SGMS2: variants seen among roughly 807,000 people sequenced by gnomAD.
SGMS2 encodes phosphatidylcholine:ceramide cholinephosphotransferase 2.
SGMS2 carries 21 observed loss-of-function variants against 43.8 expected under a neutral mutation model. The observed-to-expected ratio is 0.48, with a 90% confidence interval of 0.34 to 0.69. SGMS2 has a LOEUF of 0.69. Among genes scored for constraint, SGMS2 ranks in the 30% least tolerant of loss-of-function variants. SGMS2 has a pLI of 0.01. For missense variants in SGMS2, 384 were observed against 443.2 expected (o/e 0.87, Z 1.20); for synonymous variants, 167 against 160.6 (o/e 1.04, Z -0.30).
intron 1 of SGMS2, among the ~76,000 whole-genome samples, chr4:107,834,168 T>C (rs1726045799): frequency 6.6e-6 from 1 of 152,268 alleles, no homozygotes; most frequent in Non-Finnish European, 1.5e-5. Flanking sequence ...TTGTTCCTTA[T>C]GCCAGTCCTA....
rs956994724 is a variant in SGMS2 at position 107,910,749 on chromosome 4, C to T, written c.*196C>T. On this transcript the variant is annotated 3_prime_UTR_variant, in exon 7 of 7. Transcript: ENST00000690982. ...CTTCATCCTGAGAAAGATACATTCT[C>T]TTGCAGCTCTTCATTCATTGGTGAC... The T allele has an allele frequency of 5.4e-6, 3 of 557,984 alleles. No homozygotes were observed. Among genetic ancestry groups the T allele is most frequent in the Non-Finnish European group, 9.4e-6 (3 of 320,090 alleles). The allele number at this position is 557,984 out of a possible 1,614,324, so 34.6% of individuals were successfully genotyped here. A position where few individuals can be genotyped will look rare whatever the true frequency, so the allele number is the denominator to read the frequency against.
chr4:107,851,003 C>A (rs1317372614), intron 1 of SGMS2, among the ~76,000 whole-genome samples: 1 of 152,170 alleles, frequency 6.6e-6, no homozygotes, highest in Admixed American at 6.5e-5. Flanking sequence ...CACCAAATAA[C>A]TCCTTAGCAT....
intron 1 of SGMS2, among the ~76,000 whole-genome samples, chr4:107,838,885 T>A (rs189689750): frequency 1.6e-4 from 25 of 152,290 alleles, no homozygotes; most frequent in African/African-American, 6.0e-4. Context: ...GCTAACCTCT[T>A]CCTGCACCAT....
chr4:107,898,332 TA>T (rs1440675190), intron 3 of SGMS2, among the ~76,000 whole-genome samples: 1 of 152,082 alleles, frequency 6.6e-6, no homozygotes, highest in Non-Finnish European at 1.5e-5. Flanking sequence ...AGCTGAAATA[TA>T]TATTTATACA....
At chr4:107,850,465 G>T (rs1445045186) in intron 1 of SGMS2, among the ~76,000 whole-genome samples, 1 of 152,132 alleles carries the variant, frequency 6.6e-6, no homozygotes, top group African/African-American at 2.4e-5. Context: ...CCTATAGCAA[G>T]CTTTAGACTC....
At position 107,881,149 on chromosome 4, in the gene SGMS2, TAA is replaced by T. The variant is rs1379837757; in HGVS notation, c.-244-14159_-244-14158del. ...GTTTATATTGATTTTTACAAAATTA[TAA>T]AGACTGAAGAATTGCCTGTATTGCA... On this transcript the variant is annotated intron_variant, in intron 2 of 6. Transcript: ENST00000690982. Among the ~76,000 whole-genome samples, 10 of 152,114 alleles carry T rather than the reference TAA, an allele frequency of 6.6e-5. No individual in the cohort carries two copies. The South Asian group carries it at 2.1e-3, about 32-fold the overall frequency.
At position 107,908,734 on chromosome 4, in the gene SGMS2, G is replaced by A. The variant is rs1205263053; in HGVS notation, c.894+3G>A. 3.1e-6 allele frequency: 5 copies of A among 1,611,158 alleles called. No individual in the cohort carries two copies. The highest frequency in any genetic ancestry group is 3.4e-5 in the Admixed American group (2 of 59,578). The stretch of plus-strand genomic sequence containing the variant: ...ACCATTCAATGGCCAATGAAAAGGT[G>A]AGAGCAGTGAAGATGCTTGGATAAT... On this transcript the variant is annotated splice_donor_region_variant and intron_variant, in intron 6 of 6. Transcript: ENST00000690982.
intron 1 of SGMS2, among the ~76,000 whole-genome samples, chr4:107,858,010 A>ACT (rs1553929781): frequency 8.0e-6 from 1 of 124,828 alleles, no homozygotes; most frequent in Non-Finnish European, 1.7e-5. Context: ...TAGCTGCCCC[A>ACT]CCCCCCCCAT....
At chr4:107,830,345 G>A (rs890900717) in intron 1 of SGMS2, among the ~76,000 whole-genome samples, 1 of 152,142 alleles carries the variant, frequency 6.6e-6, no homozygotes, top group African/African-American at 2.4e-5. Flanking sequence ...GAACATACAT[G>A]TGCATGTATC....
intron 2 of SGMS2, among the ~76,000 whole-genome samples, chr4:107,880,450 T>C (rs538642029): frequency 6.6e-6 from 1 of 152,264 alleles, no homozygotes; most frequent in East Asian, 1.9e-4. Context: ...TGGGTGCTTC[T>C]GAAATAGAAT....
chr4:107,900,304 G>A (rs1424349256), intron 4 of SGMS2, among the ~76,000 whole-genome samples: 1 of 152,208 alleles, frequency 6.6e-6, no homozygotes, highest in Non-Finnish European at 1.5e-5. Context: ...GTGGGTTAAA[G>A]GAAGAGTAGG....
intron 1 of SGMS2, among the ~76,000 whole-genome samples, chr4:107,840,862 G>A (rs1726459572): frequency 6.6e-6 from 1 of 152,166 alleles, no homozygotes; most frequent in African/African-American, 2.4e-5. Flanking sequence ...CTAGAAAAGA[G>A]TCCTGTTGCA....
intron 1 of SGMS2, among the ~76,000 whole-genome samples, chr4:107,846,962 T>G (rs1726864291): frequency 6.6e-6 from 1 of 152,178 alleles, no homozygotes; most frequent in African/African-American, 2.4e-5. Context: ...ATGGGCTTGT[T>G]TGTTTTTTTC....
At chr4:107,827,112 A>T (rs1259695416) in intron 1 of SGMS2, among the ~76,000 whole-genome samples, 1 of 152,194 alleles carries the variant, frequency 6.6e-6, no homozygotes, top group Non-Finnish European at 1.5e-5. Context: ...AACTTTTTTT[A>T]AAAGTGATGC....
chr4:107,840,317 T>G (rs939175387), intron 1 of SGMS2, among the ~76,000 whole-genome samples: 3 of 152,192 alleles, frequency 2.0e-5, no homozygotes, highest in African/African-American at 7.2e-5. Context: ...ATGCCTGACT[T>G]GGCTCCTCCT....
chr4:107,847,658 T>G (rs1420002707), intron 1 of SGMS2, among the ~76,000 whole-genome samples: 4 of 152,206 alleles, frequency 2.6e-5, no homozygotes, highest in Non-Finnish European at 5.9e-5. Context: ...GTTTGGGTGT[T>G]GCGTTGCATC....
Position 107,884,977 on chromosome 4 carries a change from T to C in SGMS2, c.-244-10333T>C, listed in dbSNP as rs73838265. 3.2e-3 allele frequency among the ~76,000 whole-genome samples: 481 copies of C among 152,212 alleles called. 7 individuals carry two copies. Among genetic ancestry groups the C allele is most frequent in the African/African-American group, 0.011 (468 of 41,526 alleles). On this transcript the variant is annotated intron_variant, in intron 2 of 6. Coordinates refer to ENST00000690982, the MANE Select transcript of SGMS2 (RefSeq NM_001375905.1). Reference sequence around the variant, plus strand: ...CTATAGTTATCCTTTCCTACCAGTGTCTGGGAAAGCAAAAAAAGCCACAAT... The same window carrying C: ...CTATAGTTATCCTTTCCTACCAGTGCCTGGGAAAGCAAAAAAAGCCACAAT...
chr4:107,831,988 A>C (rs1289681437), intron 1 of SGMS2, among the ~76,000 whole-genome samples: 1 of 152,204 alleles, frequency 6.6e-6, no homozygotes, highest in Admixed American at 6.5e-5. Flanking sequence ...ACTGTCCCAG[A>C]AAGTGCCCGG....
chr4:107,878,768 A>G (rs1729118098), intron 2 of SGMS2, among the ~76,000 whole-genome samples: 1 of 152,206 alleles, frequency 6.6e-6, no homozygotes, highest in Non-Finnish European at 1.5e-5. Context: ...TTTCCAAAAT[A>G]TGCTAAGAAT....
Sources: gnomAD v4.1 joint callset for allele counts (sites outside exome capture counted in the v4.1 genomes callset) on GRCh38, gnomAD v4.1.1 for gene constraint, MANE v1.5 for transcripts, NCBI Gene and HGNC (gene_info 2026-07-23, HGNC 2026-07-21) for gene names.